PTPRD: variants seen among roughly 807,000 people sequenced by gnomAD.
PTPRD encodes protein tyrosine phosphatase receptor type D.
A neutral mutation model predicts 214.5 loss-of-function variants in PTPRD; 34 were observed. That is an observed-to-expected ratio of 0.16 (90% CI 0.12 to 0.21). The LOEUF is 0.21. PTPRD is among the 10% of genes least tolerant of loss of function. The pLI is 1.00. For synonymous variants in PTPRD, 1,128 were observed against 845.7 expected, an observed-to-expected ratio of 1.33 and a Z score of -5.79; for missense variants, 2,545 against 2,398.7, an observed-to-expected ratio of 1.06 and a Z score of -1.27.
At chr9:10,124,502 A>T (rs2098800542) in intron 3 of PTPRD, among the ~76,000 whole-genome samples, 1 of 152,148 alleles carries the variant, frequency 6.6e-6, no homozygotes, top group African/African-American at 2.4e-5. Context: ...ATTGTGGATA[A>T]ATAGCCAAGG....
At chr9:9,533,380 G>A (rs2075891004) in intron 8 of PTPRD, among the ~76,000 whole-genome samples, 1 of 151,996 alleles carries the variant, frequency 6.6e-6, no homozygotes, top group East Asian at 1.9e-4. Context: ...CTGCCACATT[G>A]ATATTAGCTT....
At chr9:8,462,994 G>A (rs1431326267) in intron 32 of PTPRD, among the ~76,000 whole-genome samples, 1 of 151,820 alleles carries the variant, frequency 6.6e-6, no homozygotes, top group Non-Finnish European at 1.5e-5. Flanking sequence ...GACAAAAAAT[G>A]TTCATCTTTT....
At chr9:8,722,665 T>C (rs1244569769) in intron 12 of PTPRD, among the ~76,000 whole-genome samples, 2 of 152,190 alleles carry the variant, frequency 1.3e-5, no homozygotes, top group Non-Finnish European at 2.9e-5. Context: ...TTCCCTGCAA[T>C]TCTATGTTGA....
intron 9 of PTPRD, among the ~76,000 whole-genome samples, chr9:9,243,826 A>C (rs1340822887): frequency 6.6e-6 from 1 of 152,148 alleles, no homozygotes; most frequent in Non-Finnish European, 1.5e-5. Context: ...AGGGTATTCA[A>C]TTAGGAAAAG....
At chr9:10,101,001 A>G (rs926750543) in intron 3 of PTPRD, among the ~76,000 whole-genome samples, 2 of 151,752 alleles carry the variant, frequency 1.3e-5, no homozygotes, top group African/African-American at 2.4e-5. Flanking sequence ...TCAAGTTGGC[A>G]TTATAATTAA....
chr9:8,716,371 T>G (rs952396947), intron 12 of PTPRD, among the ~76,000 whole-genome samples: 16 of 152,254 alleles, frequency 1.1e-4, no homozygotes, highest in Non-Finnish European at 2.2e-4. Context: ...GCTTCATATT[T>G]TAGTGTAAGA....
chr9:9,454,316 T>C (rs571024403), intron 8 of PTPRD, among the ~76,000 whole-genome samples: 122 of 151,836 alleles, frequency 8.0e-4, no homozygotes, highest in Middle Eastern at 3.4e-3. Context: ...CAATGTGAAA[T>C]CTATGGACAT....
intron 12 of PTPRD, among the ~76,000 whole-genome samples, chr9:8,722,946 C>T (rs762192269): frequency 4.6e-5 from 7 of 152,154 alleles, no homozygotes; most frequent in Non-Finnish European, 8.8e-5. Context: ...GAGTTTATAA[C>T]TTGATCAGGA....
chr9:10,599,983 A>G (rs1200754404), intron 2 of PTPRD, among the ~76,000 whole-genome samples: 1 of 151,702 alleles, frequency 6.6e-6, no homozygotes, highest in Non-Finnish European at 1.5e-5. Flanking sequence ...TAATATTGAC[A>G]TTTTCATAAT....
At chr9:9,469,150 C>T (rs149773194) in intron 8 of PTPRD, among the ~76,000 whole-genome samples, 107 of 152,124 alleles carry the variant, frequency 7.0e-4, no homozygotes, top group African/African-American at 2.4e-3. Flanking sequence ...TATGAAATAT[C>T]TCATTAACAT....
intron 10 of PTPRD, among the ~76,000 whole-genome samples, chr9:9,030,960 A>C (rs769786432): frequency 6.6e-6 from 1 of 151,958 alleles, no homozygotes; most frequent in Non-Finnish European, 1.5e-5. Context: ...CAGTGGAATG[A>C]AGAATGTAAG....
chr9:8,768,543 A>G (rs2094943060), intron 11 of PTPRD, among the ~76,000 whole-genome samples: 1 of 152,162 alleles, frequency 6.6e-6, no homozygotes. Context: ...ACAGAGCAAG[A>G]TCCTGTCTCA....
intron 8 of PTPRD, among the ~76,000 whole-genome samples, chr9:9,468,256 C>T (rs2094353412): frequency 6.6e-6 from 1 of 151,744 alleles, no homozygotes; most frequent in South Asian, 2.1e-4. Context: ...TTAGAAACTT[C>T]ATTTCCTATA....
At chr9:9,413,418 G>C (rs1026892331) in intron 8 of PTPRD, among the ~76,000 whole-genome samples, 1 of 152,106 alleles carries the variant, frequency 6.6e-6, no homozygotes, top group African/African-American at 2.4e-5. Flanking sequence ...CCGGCCTGCA[G>C]CTTCTTATTT....
At chr9:9,801,473 G>A (rs2099039664) in intron 5 of PTPRD, among the ~76,000 whole-genome samples, 1 of 152,004 alleles carries the variant, frequency 6.6e-6, no homozygotes, top group African/African-American at 2.4e-5. Flanking sequence ...AAATCTCACT[G>A]AGGCTCTTAT....
At chr9:10,530,256 G>GT (rs1450689915) in intron 2 of PTPRD, among the ~76,000 whole-genome samples, 3 of 144,630 alleles carry the variant, frequency 2.1e-5, no homozygotes, top group African/African-American at 7.8e-5. Context: ...TAGAGAGTAG[G>GT]TTTTATACTT....
intron 4 of PTPRD, among the ~76,000 whole-genome samples, chr9:9,969,198 G>C (rs553578547): frequency 6.6e-6 from 1 of 152,112 alleles, no homozygotes; most frequent in Non-Finnish European, 1.5e-5. Flanking sequence ...AGGATTTAGC[G>C]ATCAAAGAAT....
At chr9:9,611,502 T>C (rs2094511043) in intron 7 of PTPRD, among the ~76,000 whole-genome samples, 1 of 152,110 alleles carries the variant, frequency 6.6e-6, no homozygotes, top group Non-Finnish European at 1.5e-5. Flanking sequence ...AATACTGTTA[T>C]TCTAAAAATT....
chr9:8,986,019 T>C (rs1406403781), intron 11 of PTPRD, among the ~76,000 whole-genome samples: 1 of 152,112 alleles, frequency 6.6e-6, no homozygotes, highest in Non-Finnish European at 1.5e-5. Flanking sequence ...TTACAGTAGT[T>C]GATTTAAATT....
Sources: gnomAD v4.1 joint callset for allele counts (sites outside exome capture counted in the v4.1 genomes callset) on GRCh38, gnomAD v4.1.1 for gene constraint, MANE v1.5 for transcripts, NCBI Gene and HGNC (gene_info 2026-07-23, HGNC 2026-07-21) for gene names.